CLDN10: variants seen among roughly 807,000 people sequenced by gnomAD.
CLDN10 encodes claudin 10.
A neutral mutation model predicts 22.9 loss-of-function variants in CLDN10; 15 were observed. The ratio of observed to expected loss-of-function variants is 0.65; its 90% CI spans 0.44 to 1.01. The LOEUF is 1.01. Among genes scored for constraint, CLDN10 ranks in the 50% least tolerant of loss-of-function variants. CLDN10 has a pLI of 0.00. For synonymous variants in CLDN10, 114 were observed against 111.4 expected (o/e 1.02, Z -0.15); for missense variants, 247 against 287.8 (o/e 0.86, Z 1.03).
intron 1 of CLDN10, among the ~76,000 whole-genome samples, chr13:95,507,254 C>T (rs1263984695): frequency 1.3e-5 from 2 of 152,026 alleles, no homozygotes; most frequent in African/African-American, 4.8e-5. Context: ...GGTTAAGGCT[C>T]GGGTAAATTC....
intron 1 of CLDN10, among the ~76,000 whole-genome samples, chr13:95,519,336 C>T (rs1165698483): frequency 6.6e-6 from 1 of 152,192 alleles, no homozygotes; most frequent in African/African-American, 2.4e-5. Flanking sequence ...GGGCCTTTCT[C>T]TCATGTCTGG....
intron 1 of CLDN10, among the ~76,000 whole-genome samples, chr13:95,520,854 C>T (rs1191670126): frequency 2.0e-5 from 3 of 151,966 alleles, no homozygotes; most frequent in Non-Finnish European, 2.9e-5. Flanking sequence ...GTGGCATGCG[C>T]CTGTAGTCCC....
At chr13:95,555,263 A>G (rs6492810) in intron 1 of CLDN10, among the ~76,000 whole-genome samples, 52,856 of 152,004 alleles carry the variant, frequency 0.35, 9,515 homozygotes, top group East Asian at 0.52. Context: ...TGTTAGGCTG[A>G]TCGCGAACTC....
At chr13:95,495,758 AG>A (rs754932517) in intron 1 of CLDN10, among the ~76,000 whole-genome samples, 7,910 of 145,436 alleles carry the variant, frequency 0.054, 508 homozygotes, top group Non-Finnish European at 0.08. Flanking sequence ...AAAAAAAAAA[AG>A]AAAAGAAAGA....
intron 1 of CLDN10, among the ~76,000 whole-genome samples, chr13:95,455,768 T>C (rs1302078001): frequency 6.6e-6 from 1 of 152,184 alleles, no homozygotes; most frequent in African/African-American, 2.4e-5. Context: ...TTGACCTGAA[T>C]TGAAAAGAGA....
At chr13:95,492,210 G>T (rs1273226436) in intron 1 of CLDN10, among the ~76,000 whole-genome samples, 1 of 152,034 alleles carries the variant, frequency 6.6e-6, no homozygotes, top group Admixed American at 6.6e-5. Context: ...CTGGTGGTGG[G>T]TGGGGCCCTA....
chr13:95,460,061 C>T (rs940247841), intron 1 of CLDN10, among the ~76,000 whole-genome samples: 2 of 152,198 alleles, frequency 1.3e-5, no homozygotes, highest in Admixed American at 6.5e-5. Flanking sequence ...TGCTTCCAGT[C>T]TCTTTGCTAA....
At chr13:95,528,227 C>T (rs1402500633) in intron 1 of CLDN10, among the ~76,000 whole-genome samples, 4 of 152,214 alleles carry the variant, frequency 2.6e-5, no homozygotes, top group Admixed American at 2.6e-4. Context: ...ATAGGGGTGG[C>T]TTCCCCTATA....
In CLDN10 at chr13:95,578,204, G is replaced by A. The variant is rs536048594; in HGVS notation, c.*190G>A. 13 of 389,252 alleles carry A rather than the reference G, an allele frequency of 3.3e-5. No individual in the cohort carries two copies. Among genetic ancestry groups the A allele is most frequent in the African/African-American group, 2.1e-4 (10 of 48,098 alleles). 24.1% of individuals were successfully genotyped at this position (389,252 alleles called of 1,614,324 possible). A position where few individuals can be genotyped will look rare whatever the true frequency, so the allele number is the denominator to read the frequency against. On this transcript the variant is annotated 3_prime_UTR_variant, in exon 5 of 5. Transcript: ENST00000299339. Reference sequence around the variant, plus strand: ...TATATACTAATCATTTTCTGTTGTGGCTTTCTATAAAAAATAAACAGTTTA... The same window carrying A: ...TATATACTAATCATTTTCTGTTGTGACTTTCTATAAAAAATAAACAGTTTA...
At chr13:95,539,893 G>A (rs1027998643) in intron 1 of CLDN10, among the ~76,000 whole-genome samples, 3 of 152,118 alleles carry the variant, frequency 2.0e-5, no homozygotes, top group Non-Finnish European at 2.9e-5. Flanking sequence ...GGTGGCTCAC[G>A]CCTGTAATAT....
At chr13:95,550,211 G>C (rs1174963560), upstream of CLDN10, among the ~76,000 whole-genome samples, 1 of 152,192 alleles carries the variant, frequency 6.6e-6, no homozygotes, top group Non-Finnish European at 1.5e-5. Context: ...CTGGGCTTAT[G>C]GATTTTTGAA....
At chr13:95,446,002 C>T (rs1269913199) in intron 1 of CLDN10, among the ~76,000 whole-genome samples, 1 of 152,096 alleles carries the variant, frequency 6.6e-6, no homozygotes, top group East Asian at 1.9e-4. Context: ...GTTTTGAAAT[C>T]ACTTCACATG....
At chr13:95,457,670 C>T (rs1196357558) in intron 1 of CLDN10, among the ~76,000 whole-genome samples, 1 of 151,974 alleles carries the variant, frequency 6.6e-6, no homozygotes, top group Non-Finnish European at 1.5e-5. Context: ...CTGGGGATGC[C>T]ACTAGCCTGG....
intron 3 of CLDN10, among the ~76,000 whole-genome samples, chr13:95,561,905 T>C (rs960233950): frequency 1.9e-4 from 29 of 151,298 alleles, no homozygotes; most frequent in African/African-American, 7.0e-4. Flanking sequence ...AGCTGGGACA[T>C]ATATGTGCCA....
At chr13:95,543,321 A>G (rs1246330047) in intron 1 of CLDN10, among the ~76,000 whole-genome samples, 1 of 152,210 alleles carries the variant, frequency 6.6e-6, no homozygotes, top group African/African-American at 2.4e-5. Flanking sequence ...CTAAGTAACA[A>G]AGAATGGTGC....
intron 1 of CLDN10, among the ~76,000 whole-genome samples, chr13:95,469,496 T>C (rs1337775471): frequency 6.6e-6 from 1 of 152,202 alleles, no homozygotes; most frequent in Non-Finnish European, 1.5e-5. Context: ...AGGGTTACAG[T>C]GGTACTGAAC....
chr13:95,531,633 C>A (rs148959883), intron 1 of CLDN10, among the ~76,000 whole-genome samples: 1 of 151,802 alleles, frequency 6.6e-6, no homozygotes, highest in Non-Finnish European at 1.5e-5. Context: ...TGGGTTCAAG[C>A]GATTCTTCTA....
At chr13:95,533,313 G>A (rs1001714185) in intron 1 of CLDN10, among the ~76,000 whole-genome samples, 1 of 151,964 alleles carries the variant, frequency 6.6e-6, no homozygotes, top group African/African-American at 2.4e-5. Flanking sequence ...GAATGTAGGT[G>A]TTGGGTATGA....
At chr13:95,562,628 A>C (rs1242809179) in intron 3 of CLDN10, among the ~76,000 whole-genome samples, 1 of 152,198 alleles carries the variant, frequency 6.6e-6, no homozygotes, top group African/African-American at 2.4e-5. Context: ...AATGATATTT[A>C]AAAGAAATAT....
Sources: allele counts gnomAD v4.1 joint callset (sites outside exome capture counted in the v4.1 genomes callset), GRCh38; gene constraint gnomAD v4.1.1; transcripts MANE v1.5; gene names NCBI Gene and HGNC (gene_info 2026-07-23, HGNC 2026-07-21).